The following CACNB4 variants were observed in gnomAD, a reference collection of about 807,000 sequenced individuals.
CACNB4 encodes calcium voltage-gated channel auxiliary subunit beta 4.
A neutral mutation model predicts 71.2 loss-of-function variants in CACNB4; 32 were observed. That is an observed-to-expected ratio of 0.45 (90% confidence interval 0.34 to 0.60). CACNB4 has a LOEUF of 0.60. CACNB4 is among the 20% of genes least tolerant of loss of function. CACNB4 has a pLI of 0.01. For synonymous variants in CACNB4, 231 were observed against 236.9 expected (o/e 0.97, Z 0.23); for missense variants, 464 against 647.9 (o/e 0.72, Z 3.08).
intron 2 of CACNB4, among the ~76,000 whole-genome samples, chr2:151,928,911 C>CAAAAAG (rs2099860942): frequency 1.1e-5 from 1 of 93,726 alleles, no homozygotes; most frequent in Non-Finnish European, 1.9e-5. Context: ...GACCCTGTCT[C>CAAAAAG]AAAAAGAAAA....
At chr2:151,916,334 CTT>C (rs35272611) in intron 2 of CACNB4, among the ~76,000 whole-genome samples, 70,048 of 151,782 alleles carry the variant, frequency 0.46, 20,133 homozygotes, top group Non-Finnish European at 0.64. Flanking sequence ...AAACCCCTCT[CTT>C]TGTTATAGAG....
At chr2:151,971,801 C>T (rs2099872621) in intron 2 of CACNB4, 1 of 572,482 alleles carries the variant, frequency 1.7e-6, no homozygotes, top group Non-Finnish European at 3.1e-6. Context: ...GGTTTCAATC[C>T]CGCCCACCTG....
At chr2:152,071,339 T>A (rs1410397108) in intron 2 of CACNB4, among the ~76,000 whole-genome samples, 1 of 152,226 alleles carries the variant, frequency 6.6e-6, no homozygotes, top group Non-Finnish European at 1.5e-5. Context: ...AACCTTACTA[T>A]GAGAAACACT....
chr2:151,954,993 A>G (rs2099867865), intron 2 of CACNB4, among the ~76,000 whole-genome samples: 1 of 151,632 alleles, frequency 6.6e-6, no homozygotes, highest in Non-Finnish European at 1.5e-5. Context: ...AGCTGGGACT[A>G]CAGGCACCCG....
intron 2 of CACNB4, among the ~76,000 whole-genome samples, chr2:152,040,045 T>C (rs1451388281): frequency 1.3e-5 from 2 of 152,198 alleles, no homozygotes; most frequent in African/African-American, 4.8e-5. Flanking sequence ...TCTACAAAAA[T>C]TGTACTGGCT....
chr2:152,024,279 C>A (rs190019263), intron 2 of CACNB4, among the ~76,000 whole-genome samples: 2 of 152,284 alleles, frequency 1.3e-5, no homozygotes, highest in South Asian at 2.1e-4. Context: ...GCTATGAATG[C>A]GTGCCACTGT....
At chr2:152,059,165 A>C (rs1336902509) in intron 2 of CACNB4, among the ~76,000 whole-genome samples, 1 of 152,236 alleles carries the variant, frequency 6.6e-6, no homozygotes, top group East Asian at 1.9e-4. Flanking sequence ...TGCAGAAGGG[A>C]AATGTGGGGT....
At chr2:152,053,613 T>C (rs540413660) in intron 2 of CACNB4, among the ~76,000 whole-genome samples, 1 of 149,440 alleles carries the variant, frequency 6.7e-6, no homozygotes, top group South Asian at 2.1e-4. Flanking sequence ...AGCCTCGACC[T>C]CCTGAGCTCA....
chr2:151,933,429 T>C (rs1214521801), intron 2 of CACNB4, among the ~76,000 whole-genome samples: 1 of 152,120 alleles, frequency 6.6e-6, no homozygotes, highest in Non-Finnish European at 1.5e-5. Context: ...AACATTGAGC[T>C]GTACATGCAT....
Position 152,087,139 on chromosome 2 carries a change from T to TA in CACNB4, c.147+11190dup, listed in dbSNP as rs1274143106. Reference sequence around the variant, plus strand: ...AAGAGCAAGACTCTAACTGAAAAAATAAAAAAAAAAAGGCTAGGCACGGTG... The same window carrying TA: ...AAGAGCAAGACTCTAACTGAAAAAATAAAAAAAAAAAAGGCTAGGCACGGTG... On this transcript the variant is annotated intron_variant, in intron 2 of 13. Transcript: ENST00000539935. Among the ~76,000 whole-genome samples the TA allele has an allele frequency of 2.1e-3, 212 of 99,958 alleles. 1 individual carries two copies. Among genetic ancestry groups the TA allele is most frequent in the East Asian group, 0.017 (60 of 3,560 alleles). The allele number at this position is 99,958 out of a possible 152,430, so 65.6% of individuals were successfully genotyped here. A position where few individuals can be genotyped will look rare whatever the true frequency, so the allele number is the denominator to read the frequency against.
chr2:151,942,752 A>G (rs1218500481), intron 2 of CACNB4, among the ~76,000 whole-genome samples: 1 of 152,170 alleles, frequency 6.6e-6, no homozygotes, highest in Non-Finnish European at 1.5e-5. Flanking sequence ...CGGTTGAGAT[A>G]AGGACTGAGA....
intron 2 of CACNB4, among the ~76,000 whole-genome samples, chr2:152,024,864 T>A (rs1212507954): frequency 1.3e-5 from 2 of 152,154 alleles, no homozygotes; most frequent in East Asian, 3.9e-4. Context: ...AAGACCAGCC[T>A]GGCCAACATG....
At chr2:151,927,904 C>A (rs2099860652) in intron 2 of CACNB4, among the ~76,000 whole-genome samples, 1 of 152,224 alleles carries the variant, frequency 6.6e-6, no homozygotes, top group Admixed American at 6.5e-5. Context: ...CTCACTCCTT[C>A]TTTCTTGAGA....
At chr2:151,956,103 C>A (rs930698548) in intron 2 of CACNB4, among the ~76,000 whole-genome samples, 1 of 152,136 alleles carries the variant, frequency 6.6e-6, no homozygotes, top group African/African-American at 2.4e-5. Flanking sequence ...GAGATATGGC[C>A]ATTCAGGCCA....
In CACNB4 at chr2:151,930,304, C is replaced by T. The variant is rs536491603; in HGVS notation, c.148-46934G>A. Among the ~76,000 whole-genome samples the T allele has an allele frequency of 1.2e-4, 18 of 151,710 alleles. No homozygotes were observed. In the South Asian group the frequency reaches 2.1e-3, roughly 18 times the overall value. ...TGCAAAAGCTGGCTGGCTTTTGGGGCGAAAAAGTTAGGGTGGATTCCTACT... is the reference window on the plus strand; with the variant it reads ...TGCAAAAGCTGGCTGGCTTTTGGGGTGAAAAAGTTAGGGTGGATTCCTACT... On this transcript the variant is annotated intron_variant, in intron 2 of 13. Transcript: ENST00000539935.
intron 2 of CACNB4, among the ~76,000 whole-genome samples, chr2:152,034,598 A>G (rs111713574): frequency 3.2e-4 from 48 of 152,248 alleles, no homozygotes; most frequent in African/African-American, 1.1e-3. Flanking sequence ...TTCCATTCTC[A>G]CTTAACGATC....
At chr2:151,909,991 T>G (rs1371441096) in intron 2 of CACNB4, among the ~76,000 whole-genome samples, 3 of 152,216 alleles carry the variant, frequency 2.0e-5, no homozygotes, top group Non-Finnish European at 4.4e-5. Flanking sequence ...TAATTTACAT[T>G]CCCACCAACA....
Position 152,035,587 on chromosome 2 carries a change from CCCTCTCTCTCTCTCTT to C in CACNB4, c.147+62727_147+62742del, listed in dbSNP as rs1684517188. Among the ~76,000 whole-genome samples, 3 of 149,046 alleles carry C rather than the reference CCCTCTCTCTCTCTCTT, an allele frequency of 2.0e-5. No individual in the cohort carries two copies. In the East Asian group the frequency reaches 6.0e-4, roughly 30 times the overall value. On this transcript the variant is annotated intron_variant, in intron 2 of 13. Transcript: ENST00000539935. ...TCTCTCTTTCTCTCTCTCTCTCTCT[CCCTCTCTCTCTCTCTT>C]TCTCTCTCTCTCTCTCCCTCCCTCT...
At chr2:151,848,931 G>C (rs920514492) in intron 12 of CACNB4, among the ~76,000 whole-genome samples, 8 of 151,808 alleles carry the variant, frequency 5.3e-5, no homozygotes, top group Non-Finnish European at 1.0e-4. Flanking sequence ...ATCAATACTT[G>C]GTAGAAGCAA....
Sources: gnomAD v4.1 joint callset for allele counts (sites outside exome capture counted in the v4.1 genomes callset) on GRCh38, gnomAD v4.1.1 for gene constraint, MANE v1.5 for transcripts, NCBI Gene and HGNC (gene_info 2026-07-23, HGNC 2026-07-21) for gene names.